The following BMERB1 variants were observed in gnomAD, a reference collection of about 807,000 sequenced individuals.
The protein encoded by BMERB1 is bMERB domain-containing protein 1.
A neutral mutation model predicts 23.6 loss-of-function variants in BMERB1; 12 were observed. That is an observed-to-expected ratio of 0.51 (90% CI 0.33 to 0.82). The LOEUF is 0.82. Ranked by LOEUF, BMERB1 falls within the 40% of genes least tolerant of loss-of-function variation. BMERB1 has a pLI of 0.03. For missense variants in BMERB1, 247 were observed against 255.4 expected, an observed-to-expected ratio of 0.97 and a Z score of 0.22; for synonymous variants, 122 against 96.6, an observed-to-expected ratio of 1.26 and a Z score of -1.54.
intron 3 of BMERB1, 146 bp from the exon 4 acceptor site, chr16:15,581,071 G>A (rs781424110): frequency 1.0e-5 from 6 of 587,418 alleles, no homozygotes; most frequent in Non-Finnish European, 1.8e-5. Flanking sequence ...GTGCCACCAC[G>A]CCTGGCTAAT....
chr16:15,436,654 T>C (rs1199959554), intron 1 of BMERB1, among the ~76,000 whole-genome samples: 6 of 152,106 alleles, frequency 3.9e-5, no homozygotes, highest in African/African-American at 1.4e-4. Context: ...TCTACCTATA[T>C]TTTTGTACCC....
At chr16:15,580,788 G>A (rs539896172) in intron 3 of BMERB1, among the ~76,000 whole-genome samples, 45 of 150,682 alleles carry the variant, frequency 3.0e-4, no homozygotes, top group East Asian at 1.0e-3. Flanking sequence ...CTCGTGATCC[G>A]CCCACCTTGG....
intron 2 of BMERB1, among the ~76,000 whole-genome samples, chr16:15,541,357 T>G (rs2052076986): frequency 6.6e-6 from 1 of 151,460 alleles, no homozygotes; most frequent in South Asian, 2.1e-4. Context: ...CTTTTATAAT[T>G]CAGTCGCCAG....
At chr16:15,580,019 A>C (rs2030967238) in intron 3 of BMERB1, among the ~76,000 whole-genome samples, 1 of 152,120 alleles carries the variant, frequency 6.6e-6, no homozygotes, top group African/African-American at 2.4e-5. Context: ...TCAGCCCGAC[A>C]CATAGGTATT....
intron 2 of BMERB1, among the ~76,000 whole-genome samples, chr16:15,524,193 C>T (rs2051883481): frequency 6.6e-6 from 1 of 152,128 alleles, no homozygotes; most frequent in South Asian, 2.1e-4. Context: ...ATAGCATCTT[C>T]CAGGAACAGG....
chr16:15,518,456 A>G (rs1410827797), intron 2 of BMERB1, among the ~76,000 whole-genome samples: 3 of 152,168 alleles, frequency 2.0e-5, no homozygotes. Flanking sequence ...TGCCTCATCA[A>G]TCTCAGAGAT....
intron 2 of BMERB1, among the ~76,000 whole-genome samples, chr16:15,517,875 GT>G (rs2051787349): frequency 7.7e-6 from 1 of 129,488 alleles, no homozygotes; most frequent in African/African-American, 4.4e-5. Flanking sequence ...ATGTGTGTGG[GT>G]GTGTGGATGT....
chr16:15,568,646 A>G (rs1218566356), intron 3 of BMERB1, among the ~76,000 whole-genome samples: 1 of 152,128 alleles, frequency 6.6e-6, no homozygotes, highest in Non-Finnish European at 1.5e-5. Flanking sequence ...TCAAAAAAAT[A>G]TATAATTAAA....
chr16:15,582,298 C>T (rs757445780), intron 4 of BMERB1, among the ~76,000 whole-genome samples: 10 of 152,152 alleles, frequency 6.6e-5, no homozygotes, highest in Non-Finnish European at 1.3e-4. Context: ...ACTTGGGAGG[C>T]TGAGGCAGGA....
chr16:15,580,610 C>T (rs952360390), intron 3 of BMERB1, among the ~76,000 whole-genome samples: 48 of 148,282 alleles, frequency 3.2e-4, no homozygotes, highest in Non-Finnish European at 5.6e-4. Flanking sequence ...TGCAGTGGTG[C>T]GATCTCAGCT....
rs1197147372 is a variant in BMERB1 at position 15,448,023 on chromosome 16, G to A, written c.106+13264G>A. On this transcript the variant is annotated intron_variant, in intron 1 of 5. Coordinates refer to ENST00000300006, the MANE Select transcript of BMERB1 (RefSeq NM_033201.3). Reference sequence around the variant, plus strand: ...TCCTGCCTCAGCCTCCTGAGTAGCCGGAATTACAGGTACCCGCCACCATGC... The same window carrying A: ...TCCTGCCTCAGCCTCCTGAGTAGCCAGAATTACAGGTACCCGCCACCATGC... 10 of 410,842 alleles carry A rather than the reference G, an allele frequency of 2.4e-5. 1 individual carries two copies. The highest frequency in any genetic ancestry group is 5.6e-5 in the Admixed American group (2 of 35,936). 25.4% of individuals were successfully genotyped at this position (410,842 alleles called of 1,614,324 possible).
chr16:15,494,877 CTTTTT>C (rs754135430), intron 1 of BMERB1, among the ~76,000 whole-genome samples: 2 of 95,176 alleles, frequency 2.1e-5, no homozygotes, highest in Non-Finnish European at 4.1e-5. Context: ...TTTTTTTTAT[CTTTTT>C]TTTTTTTTTT....
At chr16:15,518,137 C>A (rs1301650114) in intron 2 of BMERB1, among the ~76,000 whole-genome samples, 2 of 152,184 alleles carry the variant, frequency 1.3e-5, no homozygotes, top group Non-Finnish European at 2.9e-5. Context: ...TCTTAAGAGG[C>A]AGCTCTGCAG....
At chr16:15,523,748 C>A (rs1465277541) in intron 2 of BMERB1, among the ~76,000 whole-genome samples, 3 of 152,164 alleles carry the variant, frequency 2.0e-5, no homozygotes, top group Non-Finnish European at 4.4e-5. Flanking sequence ...AATTGGGTGG[C>A]CCTTCCTAGG....
intron 2 of BMERB1, among the ~76,000 whole-genome samples, chr16:15,563,046 C>T (rs1457334045): frequency 6.6e-6 from 1 of 152,104 alleles, no homozygotes; most frequent in East Asian, 1.9e-4. Context: ...CTGTCTCCTC[C>T]AAATCTCATG....
chr16:15,482,067 C>T (rs1279424241), intron 1 of BMERB1, among the ~76,000 whole-genome samples: 2 of 152,004 alleles, frequency 1.3e-5, no homozygotes, highest in Non-Finnish European at 1.5e-5. Context: ...GGACCATGAA[C>T]CTGACCATCT....
At chr16:15,521,260 C>A (rs1366544454) in intron 2 of BMERB1, among the ~76,000 whole-genome samples, 4 of 152,180 alleles carry the variant, frequency 2.6e-5, no homozygotes, top group African/African-American at 9.7e-5. Flanking sequence ...CATTTCTCTG[C>A]ACATAAACTG....
At chr16:15,466,529 G>T (rs996753514) in intron 1 of BMERB1, among the ~76,000 whole-genome samples, 1 of 151,898 alleles carries the variant, frequency 6.6e-6, no homozygotes, top group African/African-American at 2.4e-5. Context: ...TTTAAAAAAA[G>T]ACTTTTTATT....
chr16:15,553,908 C>T (rs1001331303), intron 2 of BMERB1, among the ~76,000 whole-genome samples: 5 of 152,146 alleles, frequency 3.3e-5, no homozygotes, highest in African/African-American at 1.2e-4. Context: ...GTTTCATAGA[C>T]ACATCTCCAT....
Sources: gnomAD v4.1 joint callset for allele counts (sites outside exome capture counted in the v4.1 genomes callset) on GRCh38, gnomAD v4.1.1 for gene constraint, MANE v1.5 for transcripts, NCBI Gene and HGNC (gene_info 2026-07-23, HGNC 2026-07-21) for gene names.